The following DIP2C variants were observed in gnomAD, a reference collection of about 807,000 sequenced individuals.
The protein encoded by DIP2C is disco-interacting protein 2 homolog C.
In DIP2C, 33 loss-of-function variants were observed where a neutral mutation model predicts 192.4. That is an observed-to-expected ratio of 0.17 (90% CI 0.13 to 0.23). The LOEUF (loss-of-function observed/expected upper bound fraction) is 0.23, where lower values mean the gene tolerates loss of function less well. Ranked by LOEUF, DIP2C falls within the 10% of genes least tolerant of loss-of-function variation. DIP2C has a pLI of 1.00. For synonymous variants in DIP2C, 979 were observed against 864.1 expected (o/e 1.13, Z -2.33); for missense variants, 1,537 against 2,110.1 (o/e 0.73, Z 5.32).
intron 17 of DIP2C, among the ~76,000 whole-genome samples, chr10:372,521 T>C (rs1283475554): frequency 2.0e-5 from 3 of 152,272 alleles, no homozygotes; most frequent in African/African-American, 7.2e-5. Context: ...AGGCTGAATA[T>C]GTTCATATTA....
At chr10:395,366 C>T (rs530211464) in intron 10 of DIP2C, among the ~76,000 whole-genome samples, 3 of 152,196 alleles carry the variant, frequency 2.0e-5, no homozygotes, top group African/African-American at 4.8e-5. Context: ...AAACATTCCA[C>T]GTCGTATGCA....
At chr10:678,822 A>ATCTC (rs370298896) in intron 1 of DIP2C, among the ~76,000 whole-genome samples, 3 of 18,832 alleles carry the variant, frequency 1.6e-4, no homozygotes, top group African/African-American at 1.4e-4. Context: ...CCCCGCGCCC[A>ATCTC]TGCTCCCCAC....
intron 3 of DIP2C, among the ~76,000 whole-genome samples, chr10:446,833 G>A (rs1409092779): frequency 1.3e-5 from 2 of 152,184 alleles, no homozygotes; most frequent in Non-Finnish European, 2.9e-5. Context: ...ATGATAAAAT[G>A]GGTTTTCTCC....
At chr10:497,362 T>A (rs1167192622) in intron 1 of DIP2C, among the ~76,000 whole-genome samples, 1 of 152,198 alleles carries the variant, frequency 6.6e-6, no homozygotes, top group African/African-American at 2.4e-5. Flanking sequence ...ATTTTTAACA[T>A]TCAGCAGGCA....
chr10:498,444 G>A (rs142852871), intron 1 of DIP2C, among the ~76,000 whole-genome samples: 112 of 152,272 alleles, frequency 7.4e-4, no homozygotes, highest in Middle Eastern at 3.4e-3. Flanking sequence ...AGAAGCAGGC[G>A]CCAGTGGAGA....
intron 32 of DIP2C, among the ~76,000 whole-genome samples, chr10:302,227 G>A (rs1387948737): frequency 6.6e-6 from 1 of 152,108 alleles, no homozygotes; most frequent in East Asian, 1.9e-4. Flanking sequence ...CCAAGCACCT[G>A]ACGCATACCA....
chr10:516,936 G>A (rs111738473), intron 1 of DIP2C, among the ~76,000 whole-genome samples: 52 of 150,864 alleles, frequency 3.4e-4, no homozygotes, highest in African/African-American at 1.2e-3. Flanking sequence ...CAGGCCCGGG[G>A]CCATCATCAG....
chr10:584,147 AC>A (rs1564231212), intron 1 of DIP2C, among the ~76,000 whole-genome samples: 2 of 152,074 alleles, frequency 1.3e-5, no homozygotes, highest in Non-Finnish European at 2.9e-5. Flanking sequence ...TGCTAACTGC[AC>A]CCCCACATAA....
chr10:321,542 CGA>C (rs1341097202), intron 31 of DIP2C, among the ~76,000 whole-genome samples: 4 of 75,696 alleles, frequency 5.3e-5, no homozygotes, highest in African/African-American at 7.5e-5. Flanking sequence ...GGGGCTCCAG[CGA>C]GAGACCGGCG....
intron 3 of DIP2C, among the ~76,000 whole-genome samples, chr10:450,186 G>A (rs1301940970): frequency 2.0e-5 from 3 of 152,200 alleles, no homozygotes; most frequent in South Asian, 2.1e-4. Flanking sequence ...GTAGACATTC[G>A]GCATTTGTCA....
chr10:434,794 C>A (rs1967044580), intron 4 of DIP2C, among the ~76,000 whole-genome samples: 1 of 152,154 alleles, frequency 6.6e-6, no homozygotes, highest in Non-Finnish European at 1.5e-5. Flanking sequence ...AAATATTTCA[C>A]TCTACTTCTT....
intron 1 of DIP2C, among the ~76,000 whole-genome samples, chr10:614,595 G>A (rs894938471): frequency 3.9e-5 from 6 of 152,222 alleles, no homozygotes; most frequent in African/African-American, 1.2e-4. Flanking sequence ...CTGCTCGGCC[G>A]ACACAAAGAC....
At chr10:477,938 G>T (rs186060108) in intron 2 of DIP2C, among the ~76,000 whole-genome samples, 1,122 of 94,506 alleles carry the variant, frequency 0.012, 15 homozygotes, top group Non-Finnish European at 0.018. Flanking sequence ...AGGGAAAGAA[G>T]GAAGGAAAAG....
chr10:582,279 G>A (rs1371213013), intron 1 of DIP2C, among the ~76,000 whole-genome samples: 1 of 152,236 alleles, frequency 6.6e-6, no homozygotes, highest in Non-Finnish European at 1.5e-5. Context: ...CTGCTGGGCA[G>A]AAAGGAAGCC....
At chr10:389,247 C>T (rs866443146) in intron 13 of DIP2C, among the ~76,000 whole-genome samples, 2 of 152,190 alleles carry the variant, frequency 1.3e-5, no homozygotes, top group African/African-American at 2.4e-5. Flanking sequence ...TACATCACAA[C>T]GTCTCAGAAC....
rs1042734375 is a variant in DIP2C, at chr10:482,314, G to C, written c.157+4145C>G. Among the ~76,000 whole-genome samples the C allele has an allele frequency of 7.9e-4, 120 of 152,306 alleles. 1 individual carries two copies. Among genetic ancestry groups the C allele is most frequent in the Non-Finnish European group, 3.8e-4 (26 of 68,026 alleles). ...CAAGCCTGCAGGCCAGAGGCCTCCG[G>C]TGCAGACAGTGTAGAGCTTAACTCA... On this transcript the variant is annotated intron_variant, in intron 2 of 36. Coordinates refer to ENST00000280886, the MANE Select transcript of DIP2C (RefSeq NM_014974.3).
At chr10:647,070 T>C (rs1344955939) in intron 1 of DIP2C, among the ~76,000 whole-genome samples, 5 of 152,030 alleles carry the variant, frequency 3.3e-5, no homozygotes, top group Non-Finnish European at 5.9e-5. Context: ...GGAAACTGAG[T>C]CCACGTCCAC....
At chr10:672,866 G>A (rs954764837) in intron 1 of DIP2C, among the ~76,000 whole-genome samples, 5 of 152,112 alleles carry the variant, frequency 3.3e-5, no homozygotes, top group Non-Finnish European at 5.9e-5. Flanking sequence ...AAGCTAACTC[G>A]GAGGGGTTGC....
intron 22 of DIP2C, among the ~76,000 whole-genome samples, chr10:359,854 C>G (rs1159185341): frequency 6.6e-6 from 1 of 152,158 alleles, no homozygotes; most frequent in Non-Finnish European, 1.5e-5. Context: ...GTCCTGGGCT[C>G]CACTGATTCT....
Sources: allele counts gnomAD v4.1 joint callset (sites outside exome capture counted in the v4.1 genomes callset), GRCh38; gene constraint gnomAD v4.1.1; transcripts MANE v1.5; gene names NCBI Gene and HGNC (gene_info 2026-07-23, HGNC 2026-07-21).